Variants in PRUNE2 observed in about 807,000 individuals in gnomAD.
The protein encoded by PRUNE2 is prune homolog 2 with BCH domain.
PRUNE2 carries 164 observed loss-of-function variants against 252.0 expected under a neutral mutation model. The ratio of observed to expected loss-of-function variants is 0.65; its 90% confidence interval spans 0.57 to 0.74. The LOEUF is 0.74. Among genes scored for constraint, PRUNE2 ranks in the 30% least tolerant of loss-of-function variants. The probability of loss-of-function intolerance (pLI) is 0.00; values close to 1 mark genes in which losing one functional copy is unlikely to be tolerated. For synonymous variants in PRUNE2, 1,292 were observed against 1,350.2 expected (o/e 0.96, Z 0.94); for missense variants, 3,495 against 3,711.0 (o/e 0.94, Z 1.51).
rs754490117 is a variant in PRUNE2, at chr9:76,703,475, G to A, written c.8138C>T (p.Thr2713Met). 13 of 1,466,528 alleles carry A rather than the reference G, an allele frequency of 8.9e-6. No individual in the cohort carries two copies. Among genetic ancestry groups the A allele is most frequent in the Non-Finnish European group, 1.1e-5 (12 of 1,113,242 alleles). The allele number at this position is 1,466,528 out of a possible 1,614,324, so 90.8% of individuals were successfully genotyped here. Residue 2713 changes from threonine to methionine, a missense_variant, in exon 9 of 19, where the codon ACG becomes ATG. By Grantham distance (81) the Thr-to-Met change is moderately conservative (BLOSUM62 -1). Coordinates refer to ENST00000376718, the MANE Select transcript of PRUNE2 (RefSeq NM_015225.3). Reference protein sequence around the residue: ...SRGRAGPDAVTLQAVTHDNEW... With the variant: ...SRGRAGPDAVMLQAVTHDNEW... The stretch of plus-strand genomic sequence containing the variant: ...ATTGTCATGGGTGACAGCCTGCAAC[G>A]TAACTGCATCCGGGCCAGCCCTGCC...
chr9:76,758,209 T>G (rs551707017), intron 6 of PRUNE2, among the ~76,000 whole-genome samples: 2 of 152,308 alleles, frequency 1.3e-5, no homozygotes, highest in South Asian at 4.1e-4. Context: ...CTGACAGTAT[T>G]AACGCATAAA....
chr9:76,882,484 G>A (rs1175024945), intron 1 of PRUNE2, among the ~76,000 whole-genome samples: 1 of 152,182 alleles, frequency 6.6e-6, no homozygotes, highest in Non-Finnish European at 1.5e-5. Context: ...ATTTCTGCAG[G>A]CTGTACAGGA....
rs1368590285 is a variant in PRUNE2 at position 76,852,821 on chromosome 9, T to TATC, written c.141+1280_141+1282dup. 7.7e-5 allele frequency among the ~76,000 whole-genome samples: 3 copies of TATC among 38,944 alleles called. No homozygotes were observed. The South Asian group carries it at 1.8e-3, about 23-fold the overall frequency. 25.5% of individuals were successfully genotyped at this position (38,944 alleles called of 152,430 possible). ...CTGTCTGTCTGTCTATCTATCTATC[T>TATC]ATCTATCTATCTATCTATCTATCTA... On this transcript the variant is annotated intron_variant, in intron 2 of 18. Coordinates refer to ENST00000376718, the MANE Select transcript of PRUNE2 (RefSeq NM_015225.3).
intron 5 of PRUNE2, among the ~76,000 whole-genome samples, chr9:76,824,716 G>A (rs1444372359): frequency 6.6e-6 from 1 of 152,170 alleles, no homozygotes; most frequent in East Asian, 1.9e-4. Flanking sequence ...GTAAAGCACT[G>A]CACCCTTCCC....
chr9:76,900,464 T>A (rs1381956976), intron 1 of PRUNE2, among the ~76,000 whole-genome samples: 2 of 152,154 alleles, frequency 1.3e-5, no homozygotes, highest in East Asian at 1.9e-4. Flanking sequence ...AGAAATGGAT[T>A]TGGGACAACG....
intron 6 of PRUNE2, among the ~76,000 whole-genome samples, chr9:76,732,981 C>T (rs977357931): frequency 1.3e-5 from 2 of 152,218 alleles, no homozygotes; most frequent in African/African-American, 4.8e-5. Context: ...CAGAACTGGA[C>T]ATCTGCTTCT....
chr9:76,873,409 G>A (rs539304763), intron 1 of PRUNE2, among the ~76,000 whole-genome samples: 24 of 152,214 alleles, frequency 1.6e-4, no homozygotes, highest in African/African-American at 5.5e-4. Context: ...TGTACTTCCC[G>A]AGGAAACCAC....
intron 6 of PRUNE2, among the ~76,000 whole-genome samples, chr9:76,791,211 A>T (rs1314357380): frequency 6.6e-6 from 1 of 151,832 alleles, no homozygotes; most frequent in Non-Finnish European, 1.5e-5. Context: ...TGTACCATAT[A>T]CTGCACCAAT....
intron 11 of PRUNE2, among the ~76,000 whole-genome samples, chr9:76,647,663 T>G (rs1845507886): frequency 6.6e-6 from 1 of 152,116 alleles, no homozygotes. Context: ...ATACAAAGAA[T>G]GCTTAATACT....
At chr9:76,890,523 T>C (rs2062402652) in intron 1 of PRUNE2, among the ~76,000 whole-genome samples, 2 of 152,156 alleles carry the variant, frequency 1.3e-5, no homozygotes, top group African/African-American at 4.8e-5. Flanking sequence ...CATGCAAGGA[T>C]TTACTTCCAG....
chr9:76,850,580 A>G lies in PRUNE2; in HGVS notation c.227T>C (p.Leu76Ser), dbSNP rs752365121. The G allele has an allele frequency of 3.1e-6, 5 of 1,613,910 alleles. No homozygotes were observed. Among genetic ancestry groups the G allele is most frequent in the Non-Finnish European group, 3.4e-6 (4 of 1,179,768 alleles). The change falls in exon 3 of 19, where the codon TTA becomes TCA. Residue 76 changes from leucine (L) to serine (S), a missense_variant. Transcript: ENST00000376718. The part of the protein sequence containing the change: ...FNYFTETRFI[L>S]EELNISESFH... ...TGATTCGGAAATATTTAGCTCTTCT[A>G]AAATAAACCTCGTCTCGGTGAAGTA... is the stretch of plus-strand genomic sequence containing the variant.
intron 6 of PRUNE2, among the ~76,000 whole-genome samples, chr9:76,765,925 A>G (rs2052319092): frequency 6.6e-6 from 1 of 152,170 alleles, no homozygotes; most frequent in South Asian, 2.1e-4. Flanking sequence ...GCTCACGCCT[A>G]TAATCCCAGT....
At chr9:76,854,995 G>A (rs900988798) in intron 1 of PRUNE2, among the ~76,000 whole-genome samples, 1 of 149,332 alleles carries the variant, frequency 6.7e-6, no homozygotes, top group Non-Finnish European at 1.5e-5. Flanking sequence ...AAACCCAGGA[G>A]GCGGAGGTTG....
At chr9:76,830,719 A>T (rs1204000345) in intron 4 of PRUNE2, among the ~76,000 whole-genome samples, 1 of 152,018 alleles carries the variant, frequency 6.6e-6, no homozygotes, top group Non-Finnish European at 1.5e-5. Flanking sequence ...ATAAAGACAA[A>T]GACAAACACC....
chr9:76,738,320 T>C (rs1036520886), intron 6 of PRUNE2: 25 of 152,104 alleles, frequency 1.6e-4, no homozygotes, highest in South Asian at 8.3e-4. Flanking sequence ...CAACCAACTT[T>C]GCATTTTTCT....
intron 4 of PRUNE2, among the ~76,000 whole-genome samples, chr9:76,837,458 A>ATAAT (rs1554798795): frequency 1.1e-5 from 1 of 91,646 alleles, no homozygotes; most frequent in Admixed American, 1.2e-4. Flanking sequence ...AATAATAATA[A>ATAAT]TAATAATAAT....
intron 1 of PRUNE2, among the ~76,000 whole-genome samples, chr9:76,895,902 GCCT>G (rs2062792502): frequency 1.3e-5 from 2 of 152,072 alleles, no homozygotes; most frequent in South Asian, 4.2e-4. Context: ...TCCTGCCTCA[GCCT>G]CCTGAGTAGC....
chr9:76,871,742 C>A lies in PRUNE2; in HGVS notation c.37-17534G>T, dbSNP rs112317558. 5.3e-5 allele frequency among the ~76,000 whole-genome samples: 8 copies of A among 152,288 alleles called. No individual in the cohort carries two copies. In the East Asian group the frequency reaches 7.7e-4, roughly 15 times the overall value. ...CTCCTGGTTTCAAGTGATTCTCCTG[C>A]CTCAGCCTCCTGAGTAGCTGGGACT... On this transcript the variant is annotated intron_variant, in intron 1 of 18. Transcript: ENST00000376718.
chr9:76,810,270 G>C (rs950595116), intron 6 of PRUNE2, among the ~76,000 whole-genome samples: 1 of 152,056 alleles, frequency 6.6e-6, no homozygotes, highest in African/African-American at 2.4e-5. Flanking sequence ...AATAATAACA[G>C]ACCTATTTCA....
Sources: allele counts gnomAD v4.1 joint callset (sites outside exome capture counted in the v4.1 genomes callset), GRCh38; gene constraint gnomAD v4.1.1; transcripts MANE v1.5; gene names NCBI Gene and HGNC (gene_info 2026-07-23, HGNC 2026-07-21).